The following CEP350 variants were observed in gnomAD, a reference collection of about 807,000 sequenced individuals.
CEP350 encodes centrosome-associated protein 350.
In CEP350, 126 loss-of-function variants were observed where a neutral mutation model predicts 331.8. The ratio of observed to expected loss-of-function variants is 0.38; its 90% CI spans 0.33 to 0.44. The LOEUF (loss-of-function observed/expected upper bound fraction) is 0.44, where lower values mean the gene tolerates loss of function less well. Ranked by LOEUF, CEP350 falls within the 20% of genes least tolerant of loss-of-function variation. The pLI, the probability that CEP350 is intolerant of heterozygous loss-of-function variation, is 1.00. For missense variants in CEP350, 3,406 were observed against 3,634.6 expected (o/e 0.94, Z 1.62); for synonymous variants, 1,200 against 1,259.5 (o/e 0.95, Z 1.00).
At chr1:180,051,598 T>C (rs1657505922) in intron 22 of CEP350, among the ~76,000 whole-genome samples, 1 of 152,174 alleles carries the variant, frequency 6.6e-6, no homozygotes, top group Non-Finnish European at 1.5e-5. Flanking sequence ...ATGAGTAAAT[T>C]TTAATATCTG....
In CEP350 at chr1:180,020,335, G is replaced by A. The variant is rs1470559794; in HGVS notation, c.2561G>A (p.Gly854Glu). ...KKLAGASINY[G>E]SAWNTEYDVQ... ...TTAGCTGGGGCCAGCATTAACTATGGGTCAGCATGGAACACTGAGTATGAT... is the reference window on the plus strand; with the variant it reads ...TTAGCTGGGGCCAGCATTAACTATGAGTCAGCATGGAACACTGAGTATGAT... The change falls in exon 12 of 38, where the codon GGG (glycine) becomes GAG (glutamate). Residue 854 changes from glycine to glutamate, a missense_variant. Physicochemically the swap from Gly to Glu is moderately conservative, Grantham distance 98. This residue lies in a region of CEP350 where 1,857 missense variants were observed against 1,909.2 expected (regional missense o/e 0.97). Coordinates refer to ENST00000367607, the MANE Select transcript of CEP350 (RefSeq NM_014810.5). 3 of 1,613,858 alleles carry A rather than the reference G, an allele frequency of 1.9e-6. No individual in the cohort carries two copies. Among genetic ancestry groups the A allele is most frequent in the Non-Finnish European group, 2.5e-6 (3 of 1,179,900 alleles).
chr1:179,984,983 T>C (rs1652548765), intron 1 of CEP350, among the ~76,000 whole-genome samples: 1 of 152,192 alleles, frequency 6.6e-6, no homozygotes, highest in East Asian at 1.9e-4. Flanking sequence ...TTTCCTTTCT[T>C]TTTTTATTGT....
chr1:180,084,092 G>T lies in CEP350; in HGVS notation c.6199G>T (p.Val2067Phe). ...GGATGAGTTGCGGAAAAGAAAATCA[G>T]TTGTGAACCAGCTGAAGAAGGAACA... The part of the protein sequence containing the change: ...LKDELRKRKS[V>F]VNQLKKEQKK... The change falls in exon 31 of 38, where the codon GTT becomes TTT. Residue 2067 changes from valine to phenylalanine, a missense_variant. Physicochemically the swap from Val to Phe is conservative, Grantham distance 50. This residue lies in a region of CEP350 where 1,415 missense variants were observed against 1,512.3 expected (regional missense o/e 0.94). Coordinates refer to ENST00000367607, the MANE Select transcript of CEP350 (RefSeq NM_014810.5). The T allele has an allele frequency of 6.3e-7, 1 of 1,598,712 alleles. No individual in the cohort carries two copies.
At chr1:180,108,600 G>A (rs1472002586) in intron 37 of CEP350, among the ~76,000 whole-genome samples, 1 of 152,168 alleles carries the variant, frequency 6.6e-6, no homozygotes, top group Non-Finnish European at 1.5e-5. Flanking sequence ...GAAATTTTTT[G>A]TGCACACACC....
At chr1:180,096,209 T>G (rs1348843912) in intron 36 of CEP350, 25 bp downstream of exon 36, 1 of 1,525,560 alleles carries the variant, frequency 6.6e-7, no homozygotes, top group Non-Finnish European at 8.8e-7. Context: ...ATAAAGTGTC[T>G]TCTTTTTTGA....
At chr1:180,033,008 A>T (rs1656120182) in intron 15 of CEP350, among the ~76,000 whole-genome samples, 1 of 152,070 alleles carries the variant, frequency 6.6e-6, no homozygotes, top group East Asian at 1.9e-4. Context: ...TATGCTGGGT[A>T]TAAGAGAAAT....
intron 7 of CEP350, among the ~76,000 whole-genome samples, chr1:180,004,900 TTG>T (rs1558093100): frequency 0.044 from 2,612 of 59,214 alleles, 53 homozygotes; most frequent in Middle Eastern, 0.081. Flanking sequence ...GCTTGCTTGC[TTG>T]CTTGCTTTCT....
chr1:180,090,503 G>A (rs1288049094), intron 32 of CEP350, among the ~76,000 whole-genome samples: 2 of 124,240 alleles, frequency 1.6e-5, no homozygotes, highest in Non-Finnish European at 3.2e-5. Flanking sequence ...CCGAGATCGC[G>A]CCACTGCACT....
chr1:179,996,984 G>A lies in CEP350; in HGVS notation c.827G>A (p.Arg276Gln), dbSNP rs146825497. Residue 276 changes from arginine to glutamine, a missense_variant, in exon 6 of 38, where the codon CGA becomes CAA. Arg to Gln is a conservative substitution (Grantham distance 43). Coordinates refer to ENST00000367607, the MANE Select transcript of CEP350 (RefSeq NM_014810.5). ...CAAAGATTAGATATTCTAAAGCGGCGACAACATGATGTCAAACTGGAAAAA... is the reference window on the plus strand; with the variant it reads ...CAAAGATTAGATATTCTAAAGCGGCAACAACATGATGTCAAACTGGAAAAA... Reference protein sequence around the residue: ...NSQRLDILKRRQHDVKLEKLK... With the variant: ...NSQRLDILKRQQHDVKLEKLK... The A allele has an allele frequency of 1.5e-5, 25 of 1,613,800 alleles. No individual in the cohort carries two copies. Among genetic ancestry groups the A allele is most frequent in the African/African-American group, 6.7e-5 (5 of 74,896 alleles).
rs980061990 is a variant in CEP350, at chr1:180,041,356, A to C, written c.4221+108A>C. On this transcript the variant is annotated intron_variant, in intron 18 of 37. Transcript: ENST00000367607. ...AGGAGAAAAAAGTGTATATATAAAT[A>C]ATAAAGTTTTAGTACTTTTTATGGG... The C allele has an allele frequency of 3.8e-6, 3 of 798,824 alleles. No homozygotes were observed. The African/African-American group carries it at 5.3e-5, about 14-fold the overall frequency. 49.5% of individuals were successfully genotyped at this position (798,824 alleles called of 1,614,324 possible).
Position 180,108,517 on chromosome 1 carries a change from G to A in CEP350, c.9190-2480G>A, listed in dbSNP as rs181757966. 4.6e-5 allele frequency among the ~76,000 whole-genome samples: 7 copies of A among 152,204 alleles called. No homozygotes were observed. In the East Asian group the frequency reaches 1.4e-3, roughly 29 times the overall value. Reference sequence around the variant, plus strand: ...TCTGTCTCAAAAAAAAAGTGGGGCGGGGTGGGGGACTAAAAGAACTGTTAT... The same window carrying A: ...TCTGTCTCAAAAAAAAAGTGGGGCGAGGTGGGGGACTAAAAGAACTGTTAT... On this transcript the variant is annotated intron_variant, in intron 37 of 37. Coordinates refer to ENST00000367607, the MANE Select transcript of CEP350 (RefSeq NM_014810.5).
Position 179,992,062 on chromosome 1 carries a change from A to C in CEP350, c.236A>C (p.Asp79Ala). Reference sequence around the variant, plus strand: ...TCTCACAGATTTCCTTTTCCTTCAGATGGTAGATACCTGGATGATTCTTGG... The same window carrying C: ...TCTCACAGATTTCCTTTTCCTTCAGCTGGTAGATACCTGGATGATTCTTGG... ...TSATRKISRKDGRYLDDSWVN... is the reference protein window; with the variant it reads ...TSATRKISRKAGRYLDDSWVN... The change falls in exon 5 of 38, where the codon GAT (aspartate) becomes GCT (alanine). Residue 79 changes from aspartate to alanine, a missense_variant and splice_region_variant. Asp to Ala is a moderately radical substitution (Grantham distance 126). Coordinates refer to ENST00000367607, the MANE Select transcript of CEP350 (RefSeq NM_014810.5). The C allele has an allele frequency of 6.6e-7, 1 of 1,524,436 alleles. No individual in the cohort carries two copies. Among genetic ancestry groups the C allele is most frequent in the Non-Finnish European group, 8.8e-7 (1 of 1,142,102 alleles). 94.4% of individuals were successfully genotyped at this position (1,524,436 alleles called of 1,614,324 possible).
chr1:180,091,845 G>T (rs1393949474), intron 33 of CEP350, among the ~76,000 whole-genome samples: 1 of 150,840 alleles, frequency 6.6e-6, no homozygotes, highest in Non-Finnish European at 1.5e-5. Flanking sequence ...AAAAAAAAAT[G>T]TAATTCAGTG....
intron 25 of CEP350, among the ~76,000 whole-genome samples, chr1:180,055,965 G>A (rs1342072275): frequency 6.6e-6 from 1 of 151,834 alleles, no homozygotes; most frequent in Non-Finnish European, 1.5e-5. Context: ...TTACACAATA[G>A]CTTTCTGTTA....
chr1:179,968,152 G>A (rs939349594), intron 1 of CEP350, among the ~76,000 whole-genome samples: 10 of 152,056 alleles, frequency 6.6e-5, no homozygotes, highest in South Asian at 2.1e-4. Flanking sequence ...CCAACATGGC[G>A]AAACCCCATC....
In CEP350 at chr1:180,052,976, C is replaced by T. The variant is rs139497210; in HGVS notation, c.4799C>T (p.Thr1600Met). 13 of 1,253,040 alleles carry T rather than the reference C, an allele frequency of 1.0e-5. No homozygotes were observed. The highest frequency in any genetic ancestry group is 4.5e-5 in the African/African-American group (3 of 66,638). The allele number at this position is 1,253,040 out of a possible 1,614,324, so 77.6% of individuals were successfully genotyped here. A position where few individuals can be genotyped will look rare whatever the true frequency, so the allele number is the denominator to read the frequency against. The change falls in exon 23 of 38, where the codon ACG (threonine) becomes ATG (methionine). Residue 1600 changes from threonine (T) to methionine (M), a missense_variant. Thr to Met is a moderately conservative substitution (Grantham distance 81, BLOSUM62 -1). Transcript: ENST00000367607. ...VPSLPDEKDSTSIATEYSLKF... is the reference protein window; with the variant it reads ...VPSLPDEKDSMSIATEYSLKF... ...TTTCTCCATATTCTTTTAGACTCAA[C>T]GTCTATTGCAACAGAATATTCTCTG...
At chr1:180,100,635 C>T (rs1210363633) in intron 37 of CEP350, among the ~76,000 whole-genome samples, 1 of 152,190 alleles carries the variant, frequency 6.6e-6, no homozygotes, top group Non-Finnish European at 1.5e-5. Context: ...ATCGTTTACA[C>T]ACAAGTGTGT....
rs368039448 is a variant in CEP350 at position 180,003,249 on chromosome 1, G to C, written c.1094G>C (p.Ser365Thr). ...VWQEAEFQNM[S>T]RELYRDLALH... ...CAGGAGGCTGAGTTTCAAAACATGA[G>C]TAGAGAACTGTATCGAGATTTAGCA... is the stretch of plus-strand genomic sequence containing the variant. The change falls in exon 7 of 38, where the codon AGT (serine) becomes ACT (threonine). Residue 365 changes from serine to threonine, a missense_variant. By Grantham distance (58) the Ser-to-Thr change is moderately conservative (BLOSUM62 1). Around this residue, in one of 5 missense-constraint regions of CEP350, gnomAD observed 1,857 missense variants for 1,909.2 expected, o/e 0.97. Coordinates refer to ENST00000367607, the MANE Select transcript of CEP350 (RefSeq NM_014810.5). The C allele has an allele frequency of 3.1e-6, 5 of 1,612,604 alleles. No homozygotes were observed. The highest frequency in any genetic ancestry group is 4.2e-6 in the Non-Finnish European group (5 of 1,179,316).
intron 31 of CEP350, among the ~76,000 whole-genome samples, chr1:180,084,483 G>C (rs1010099411): frequency 1.3e-5 from 2 of 152,056 alleles, no homozygotes; most frequent in East Asian, 1.9e-4. Flanking sequence ...TCCTGCCTCA[G>C]CCCCCTGAGT....
Sources: allele counts gnomAD v4.1 joint callset (sites outside exome capture counted in the v4.1 genomes callset), GRCh38; gene constraint gnomAD v4.1.1; regional missense constraint gnomAD v4.1.1; transcripts MANE v1.5; gene names NCBI Gene and HGNC (gene_info 2026-07-23, HGNC 2026-07-21).